Variants in GRIK2 observed in about 807,000 individuals in gnomAD.
GRIK2 encodes the protein glutamate receptor ionotropic, kainate 2.
A neutral mutation model predicts 100.3 loss-of-function variants in GRIK2; 32 were observed. The ratio of observed to expected loss-of-function variants is 0.32; its 90% CI spans 0.24 to 0.43. The LOEUF is 0.43. Ranked by LOEUF, GRIK2 falls within the 20% of genes least tolerant of loss-of-function variation. The pLI is 1.00. For missense variants in GRIK2, 843 were observed against 1,114.9 expected (o/e 0.76, Z 3.47); for synonymous variants, 417 against 389.4 (o/e 1.07, Z -0.83).
intron 16 of GRIK2, among the ~76,000 whole-genome samples, chr6:102,065,065 G>T (rs528414189): frequency 2.0e-5 from 3 of 151,126 alleles, no homozygotes; most frequent in Non-Finnish European, 3.0e-5. Context: ...TATTCAAAGA[G>T]AAAATTAATA....
intron 7 of GRIK2, among the ~76,000 whole-genome samples, chr6:101,760,518 T>C (rs865780714): frequency 7.7e-4 from 53 of 68,922 alleles, no homozygotes; most frequent in South Asian, 3.2e-3. Flanking sequence ...ATATTTATTA[T>C]ATATAATTAA....
intron 12 of GRIK2, among the ~76,000 whole-genome samples, chr6:101,903,482 A>G (rs1401117819): frequency 6.6e-6 from 1 of 151,738 alleles, no homozygotes; most frequent in Non-Finnish European, 1.5e-5. Context: ...GTTATTTTAA[A>G]CCACATTTTC....
intron 2 of GRIK2, among the ~76,000 whole-genome samples, chr6:101,565,125 C>G (rs946551074): frequency 2.0e-5 from 3 of 152,072 alleles, no homozygotes. Flanking sequence ...AGAACACATT[C>G]CATTTCGGTC....
chr6:101,480,919 G>A (rs1479484681), intron 2 of GRIK2, among the ~76,000 whole-genome samples: 2 of 152,140 alleles, frequency 1.3e-5, no homozygotes, highest in Non-Finnish European at 2.9e-5. Context: ...TGATCATAGA[G>A]TAACCATGTA....
intron 2 of GRIK2, chr6:101,430,879 TG>T: frequency 5.8e-6 from 2 of 343,964 alleles, no homozygotes; most frequent in South Asian, 3.3e-5. Flanking sequence ...CACTAGGCAG[TG>T]GTGGTGAAGC....
At chr6:101,961,875 A>C (rs889239043) in intron 14 of GRIK2, among the ~76,000 whole-genome samples, 3 of 152,044 alleles carry the variant, frequency 2.0e-5, no homozygotes, top group African/African-American at 7.2e-5. Context: ...GCAAGAGCTG[A>C]GACTCTTTGG....
intron 14 of GRIK2, among the ~76,000 whole-genome samples, chr6:102,023,806 A>G (rs188677326): frequency 2.3e-3 from 355 of 151,618 alleles, no homozygotes; most frequent in Non-Finnish European, 3.9e-3. Flanking sequence ...TAAACAGTTC[A>G]AAGGAAAGAG....
chr6:101,759,614 A>G (rs988952290), intron 7 of GRIK2, among the ~76,000 whole-genome samples: 1 of 152,128 alleles, frequency 6.6e-6, no homozygotes, highest in Non-Finnish European at 1.5e-5. Context: ...CAGATTCAGC[A>G]ATGGTCATTT....
chr6:101,897,332 G>T (rs1787536251), intron 12 of GRIK2, among the ~76,000 whole-genome samples: 1 of 151,484 alleles, frequency 6.6e-6, no homozygotes, highest in African/African-American at 2.4e-5. Flanking sequence ...TTTACCAAGT[G>T]ATACACTTTT....
intron 2 of GRIK2, among the ~76,000 whole-genome samples, chr6:101,500,899 G>GT (rs1214704182): frequency 6.6e-6 from 1 of 151,788 alleles, no homozygotes; most frequent in Non-Finnish European, 1.5e-5. Context: ...TATTCCAAAT[G>GT]TTTAGTTCAC....
At chr6:101,716,153 A>G (rs1331891847) in intron 7 of GRIK2, among the ~76,000 whole-genome samples, 1 of 151,752 alleles carries the variant, frequency 6.6e-6, no homozygotes, top group African/African-American at 2.4e-5. Flanking sequence ...TAGTGTCCAG[A>G]TAACTTCTTA....
chr6:101,877,686 G>A (rs1258797995), intron 11 of GRIK2, among the ~76,000 whole-genome samples: 4 of 151,810 alleles, frequency 2.6e-5, no homozygotes, highest in Non-Finnish European at 5.9e-5. Context: ...TTTTGTCAAG[G>A]ACAACAACTC....
At chr6:101,515,448 G>A (rs189486752) in intron 2 of GRIK2, among the ~76,000 whole-genome samples, 44 of 152,190 alleles carry the variant, frequency 2.9e-4, no homozygotes, top group African/African-American at 1.1e-3. Context: ...GGGATTGCTG[G>A]ATTAAACAGT....
intron 7 of GRIK2, among the ~76,000 whole-genome samples, chr6:101,764,491 A>C (rs1470057218): frequency 6.6e-6 from 1 of 152,054 alleles, no homozygotes; most frequent in East Asian, 1.9e-4. Context: ...GCTCTGAAGA[A>C]AAGCAAGGTG....
At chr6:101,802,246 G>T in intron 8 of GRIK2, 85 bp from the exon 9 acceptor site, 3 of 480,268 alleles carry the variant, frequency 6.2e-6, no homozygotes, top group South Asian at 5.6e-5. Flanking sequence ...GAAAAGTAAT[G>T]AATATAAGTT....
rs186157211 is a variant in GRIK2, at chr6:101,947,460, C to T, written c.2085+18828C>T. Among the ~76,000 whole-genome samples the T allele has an allele frequency of 1.4e-3, 219 of 152,194 alleles. 1 individual carries two copies. Among genetic ancestry groups the T allele is most frequent in the Middle Eastern group, 6.8e-3 (2 of 294 alleles). On this transcript the variant is annotated intron_variant, in intron 14 of 16. Transcript: ENST00000369134. ...GGTTTAAAAAATTGTATGCAGTCTG[C>T]ATTCCACTAAGTTTCTTAACCTATA... is the stretch of plus-strand genomic sequence containing the variant.
At chr6:101,487,708 C>G (rs924509808) in intron 2 of GRIK2, among the ~76,000 whole-genome samples, 1 of 146,626 alleles carries the variant, frequency 6.8e-6, no homozygotes, top group Non-Finnish European at 1.5e-5. Flanking sequence ...AATTTTTTCA[C>G]TCAACAAATA....
intron 7 of GRIK2, among the ~76,000 whole-genome samples, chr6:101,777,906 G>A (rs1778850857): frequency 6.6e-6 from 1 of 152,204 alleles, no homozygotes; most frequent in Admixed American, 6.5e-5. Flanking sequence ...TCTCCAGTCT[G>A]AGCTGCTGAC....
At chr6:101,517,488 G>A (rs1774645692) in intron 2 of GRIK2, among the ~76,000 whole-genome samples, 1 of 151,888 alleles carries the variant, frequency 6.6e-6, no homozygotes. Context: ...ATTTTTACCT[G>A]TATCTTACAG....
Sources: allele counts gnomAD v4.1 joint callset (sites outside exome capture counted in the v4.1 genomes callset), GRCh38; gene constraint gnomAD v4.1.1; transcripts MANE v1.5; gene names NCBI Gene and HGNC (gene_info 2026-07-23, HGNC 2026-07-21).